ENPP3: variants seen among roughly 807,000 people sequenced by gnomAD.
The protein encoded by ENPP3 is ectonucleotide pyrophosphatase/phosphodiesterase 3, also known as ectonucleotide pyrophosphatase/phosphodiesterase family member 3.
Under a neutral mutation model 117.8 loss-of-function variants are expected in ENPP3, and 104 were observed. The ratio of observed to expected loss-of-function variants is 0.88; its 90% CI spans 0.75 to 1.04. The LOEUF is 1.04. ENPP3 is among the 50% of genes least tolerant of loss of function. ENPP3 has a pLI of 0.00. For synonymous variants in ENPP3, 380 were observed against 349.9 expected (o/e 1.09, Z -0.96); for missense variants, 1,026 against 1,051.9 (o/e 0.98, Z 0.34).
intron 9 of ENPP3, among the ~76,000 whole-genome samples, chr6:131,675,693 G>A (rs9483315): frequency 0.019 from 2,848 of 152,060 alleles, 91 homozygotes; most frequent in African/African-American, 0.065. Flanking sequence ...AATTAGCTGG[G>A]CATGGTGGCG....
chr6:131,733,665 A>C lies in ENPP3; in HGVS notation c.2031A>C (p.Gln677His). The C allele has an allele frequency of 1.2e-6, 2 of 1,614,152 alleles. No individual in the cohort carries two copies. Among genetic ancestry groups the C allele is most frequent in the Non-Finnish European group, 1.7e-6 (2 of 1,180,012 alleles). The change falls in exon 21 of 25, where the codon CAA (glutamine) becomes CAC (histidine). Residue 677 changes from glutamine (Q) to histidine (H), a missense_variant. Coordinates refer to ENST00000357639, the MANE Select transcript of ENPP3 (RefSeq NM_005021.5). ...TCAGGGTTCCTCCTTCTGAGAGCCA[A>C]AAATGTTCCTTCTATTTAGCAGACA... ...ADVRVPPSES[Q>H]KCSFYLADKN...
At chr6:131,656,583 C>T (rs962323718) in intron 5 of ENPP3, among the ~76,000 whole-genome samples, 6 of 151,842 alleles carry the variant, frequency 4.0e-5, no homozygotes, top group Admixed American at 1.3e-4. Flanking sequence ...CTGGCTAACA[C>T]GGTGAAACCC....
intron 3 of ENPP3, among the ~76,000 whole-genome samples, chr6:131,651,393 G>A (rs1778259780): frequency 6.6e-6 from 1 of 152,144 alleles, no homozygotes; most frequent in African/African-American, 2.4e-5. Flanking sequence ...ATTTAACCGA[G>A]GTTGAGGAAT....
At chr6:131,739,954 A>G (rs79776982) in intron 23 of ENPP3, among the ~76,000 whole-genome samples, 3,366 of 124,514 alleles carry the variant, frequency 0.027, 116 homozygotes, top group African/African-American at 0.11. Flanking sequence ...ATATATATAT[A>G]TGTGTGTGTG....
At chr6:131,658,856 G>C (rs1778441555) in intron 6 of ENPP3, among the ~76,000 whole-genome samples, 1 of 152,270 alleles carries the variant, frequency 6.6e-6, no homozygotes, top group Non-Finnish European at 1.5e-5. Context: ...TCTATTTCCA[G>C]TTCTGGAATC....
intron 20 of ENPP3, among the ~76,000 whole-genome samples, chr6:131,727,555 CAAAAAAAAAAAAA>C (rs773470669): frequency 5.7e-5 from 3 of 52,264 alleles, no homozygotes; most frequent in African/African-American, 1.2e-4. Context: ...AAGTCCATCT[CAAAAAAAAAAAAA>C]AAAAAAAAAA....
At chr6:131,637,734 A>G (rs1035444802) in intron 1 of ENPP3, among the ~76,000 whole-genome samples, 23 of 152,194 alleles carry the variant, frequency 1.5e-4, no homozygotes, top group African/African-American at 5.5e-4. Flanking sequence ...TTTTTGCATG[A>G]TTATAACTAC....
At chr6:131,693,055 T>C (rs904107815) in intron 14 of ENPP3, among the ~76,000 whole-genome samples, 1 of 145,910 alleles carries the variant, frequency 6.9e-6, no homozygotes, top group African/African-American at 2.5e-5. Context: ...AATATATATG[T>C]TTATATATTA....
chr6:131,660,182 G>A (rs1274400923), intron 6 of ENPP3, among the ~76,000 whole-genome samples: 1 of 151,962 alleles, frequency 6.6e-6, no homozygotes, highest in Non-Finnish European at 1.5e-5. Flanking sequence ...TGTTTTGAGG[G>A]AAAATTGAAA....
At chr6:131,666,788 T>A (rs1778625432) in intron 6 of ENPP3, among the ~76,000 whole-genome samples, 1 of 152,260 alleles carries the variant, frequency 6.6e-6, no homozygotes, top group South Asian at 2.1e-4. Context: ...TTTCCTTTAC[T>A]CTCTGTGTTG....
chr6:131,723,835 A>T (rs1236855553), intron 18 of ENPP3, among the ~76,000 whole-genome samples: 5 of 150,834 alleles, frequency 3.3e-5, no homozygotes, highest in African/African-American at 1.2e-4. Flanking sequence ...TCTCACACAC[A>T]CACACACACA....
intron 8 of ENPP3, 93 bp downstream of exon 8, chr6:131,674,374 G>T: frequency 8.0e-7 from 1 of 1,242,990 alleles, no homozygotes; most frequent in Non-Finnish European, 1.2e-6. Flanking sequence ...CAAGTTCTAT[G>T]TCACCCATCT....
chr6:131,640,937 C>A (rs1372087609), intron 1 of ENPP3, among the ~76,000 whole-genome samples: 5 of 151,948 alleles, frequency 3.3e-5, no homozygotes, highest in South Asian at 2.1e-4. Flanking sequence ...AGTGGAAGAC[C>A]AAAACAGATT....
chr6:131,639,963 A>AAAT (rs990730675), intron 1 of ENPP3, among the ~76,000 whole-genome samples: 6 of 151,964 alleles, frequency 3.9e-5, no homozygotes, highest in Admixed American at 6.5e-5. Flanking sequence ...CTCCAACTCT[A>AAAT]AATAATAATA....
Position 131,724,093 on chromosome 6 carries a change from T to G in ENPP3, c.1798+2T>G, listed in dbSNP as rs779059476. ...TGCTAAATCTCACCCAAGAAGAAAG[T>G]AAGTCAATAGAAAACATGTTAAGTC... is the stretch of plus-strand genomic sequence containing the variant. On this transcript the variant is annotated splice_donor_variant, in intron 19 of 24. Coordinates refer to ENST00000357639, the MANE Select transcript of ENPP3 (RefSeq NM_005021.5). LOFTEE classifies it high-confidence loss of function. 1.9e-6 allele frequency: 3 copies of G among 1,602,844 alleles called. No homozygotes were observed. Among genetic ancestry groups the G allele is most frequent in the East Asian group, 2.2e-5 (1 of 44,790 alleles).
intron 2 of ENPP3, among the ~76,000 whole-genome samples, chr6:131,647,299 T>C (rs576271211): frequency 6.6e-6 from 1 of 152,336 alleles, no homozygotes; most frequent in African/African-American, 2.4e-5. Flanking sequence ...TAACTTCTAC[T>C]GGCATCCAGA....
chr6:131,737,075 A>C (rs923160065), intron 21 of ENPP3, among the ~76,000 whole-genome samples: 5 of 152,174 alleles, frequency 3.3e-5, no homozygotes, highest in South Asian at 4.1e-4. Context: ...TCTCATCTAG[A>C]GACTCCTAGC....
rs754207048 is a variant in ENPP3 at position 131,710,813 on chromosome 6, G to A, written c.1413-7859G>A. The A allele has an allele frequency of 9.9e-6, 16 of 1,613,380 alleles. No homozygotes were observed. The highest frequency in any genetic ancestry group is 4.4e-5 in the South Asian group (4 of 91,052). ...TTTTGCTCTCTTCCCACATAAAGCC[G>A]ACTCCTAACCGATCTAAAACTTCTC... On this transcript the variant is annotated intron_variant, in intron 15 of 24. Coordinates refer to ENST00000357639, the MANE Select transcript of ENPP3 (RefSeq NM_005021.5).
chr6:131,725,856 T>C (rs1386975590), intron 19 of ENPP3, among the ~76,000 whole-genome samples, 190 bp from the exon 20 acceptor site: 1 of 152,086 alleles, frequency 6.6e-6, no homozygotes, highest in Non-Finnish European at 1.5e-5. Flanking sequence ...ATTATTATTA[T>C]TATTTTTAAT....
Sources: gnomAD v4.1 joint callset for allele counts (sites outside exome capture counted in the v4.1 genomes callset) on GRCh38, gnomAD v4.1.1 for gene constraint, MANE v1.5 for transcripts, NCBI Gene and HGNC (gene_info 2026-07-23, HGNC 2026-07-21) for gene names.